Variants in ASGR2 observed in about 807,000 individuals in gnomAD.
The protein encoded by ASGR2 is C-type lectin domain family 4 member H2.
ASGR2 carries 34 observed loss-of-function variants against 32.3 expected under a neutral mutation model. The observed-to-expected ratio is 1.05, with a 90% CI of 0.80 to 1.40. The LOEUF (loss-of-function observed/expected upper bound fraction) is 1.40. Among genes scored for constraint, ASGR2 ranks in the 40% most tolerant of loss-of-function variants. The pLI is 0.00. For synonymous variants in ASGR2, 143 were observed against 150.0 expected (o/e 0.95, Z 0.34); for missense variants, 385 against 386.4 (o/e 1.00, Z 0.03).
At position 7,113,293 on chromosome 17, in the gene ASGR2, C is replaced by T. The variant is rs1474587561; in HGVS notation, c.124+824G>A. Among the ~76,000 whole-genome samples the T allele has an allele frequency of 3.3e-5, 4 of 122,846 alleles. No homozygotes were observed. Among genetic ancestry groups the T allele is most frequent in the Non-Finnish European group, 7.0e-5 (4 of 57,140 alleles). 80.6% of individuals were successfully genotyped at this position (122,846 alleles called of 152,430 possible). A position where few individuals can be genotyped will look rare whatever the true frequency, so the allele number is the denominator to read the frequency against. On this transcript the variant is annotated intron_variant, in intron 2 of 8. Coordinates refer to ENST00000691900, the MANE Select transcript of ASGR2 (RefSeq NM_001201352.2). The surrounding 1 kb of genome is among the most constrained non-coding windows in gnomAD (Gnocchi z 5.1). ...CCAACTCACCCCACCTCTACACACA[C>T]ACACACACACACATACAATCACATA...
chr17:7,113,750 A>C lies in ASGR2; in HGVS notation c.124+367T>G, dbSNP rs796218635. Among the ~76,000 whole-genome samples, 32 of 151,132 alleles carry C rather than the reference A, an allele frequency of 2.1e-4. No individual in the cohort carries two copies. Among genetic ancestry groups the C allele is most frequent in the African/African-American group, 7.8e-4 (32 of 41,188 alleles). ...CCTCTCACATACACGACATACACAC[A>C]CACAACATATGCACGCTCTCGCGCA... On this transcript the variant is annotated intron_variant, in intron 2 of 8. Coordinates refer to ENST00000691900, the MANE Select transcript of ASGR2 (RefSeq NM_001201352.2). The surrounding 1 kb of genome is among the most constrained non-coding windows in gnomAD (Gnocchi z 5.1).
At position 7,107,995 on chromosome 17, in the gene ASGR2, G is replaced by A; in HGVS notation, c.338-88C>T. The A allele has an allele frequency of 6.8e-7, 1 of 1,466,244 alleles. No individual in the cohort carries two copies. The highest frequency in any genetic ancestry group is 9.3e-7 in the Non-Finnish European group (1 of 1,075,064). 90.8% of individuals were successfully genotyped at this position (1,466,244 alleles called of 1,614,324 possible). On this transcript the variant is annotated intron_variant, in intron 4 of 8. Transcript: ENST00000691900. The surrounding 1 kb of genome is among the most constrained non-coding windows in gnomAD (Gnocchi z 5.0). ...ACCGGGGGCCAGCGCCTCGTCCTGGGCGATGCAGGCGTCCACCTCCTGGCT... is the reference window on the plus strand; with the variant it reads ...ACCGGGGGCCAGCGCCTCGTCCTGGACGATGCAGGCGTCCACCTCCTGGCT...
rs1597399175 is a variant in ASGR2 at position 7,114,006 on chromosome 17, G to A, written c.124+111C>T. The A allele has an allele frequency of 4.7e-6, 7 of 1,490,940 alleles. No individual in the cohort carries two copies. The highest frequency in any genetic ancestry group is 1.9e-4 in the Middle Eastern group (1 of 5,394). 92.4% of individuals were successfully genotyped at this position (1,490,940 alleles called of 1,614,324 possible). A position where few individuals can be genotyped will look rare whatever the true frequency, so the allele number is the denominator to read the frequency against. On this transcript the variant is annotated intron_variant, in intron 2 of 8. Coordinates refer to ENST00000691900, the MANE Select transcript of ASGR2 (RefSeq NM_001201352.2). This position sits in a 1 kb window ranked among gnomAD's most constrained non-coding sequence, Gnocchi z 4.5. ...GGTGAGGGAACAAGCGGGGGTGTCG[G>A]GCCCTCCTCAGTCCCTGTTCACAGA...
intron 7 of ASGR2, among the ~76,000 whole-genome samples, chr17:7,102,401 G>A (rs187325386): frequency 3.9e-4 from 59 of 152,236 alleles, no homozygotes; most frequent in African/African-American, 1.3e-3. Context: ...GCTAGACTTC[G>A]TGCTGTCTGT....
intron 2 of ASGR2, among the ~76,000 whole-genome samples, chr17:7,109,866 C>T (rs1597389685): frequency 6.6e-6 from 1 of 152,150 alleles, no homozygotes; most frequent in African/African-American, 2.4e-5. Flanking sequence ...CACTCACACA[C>T]CCACGTCTTC....
At chr17:7,104,377 C>T (rs1230690670) in intron 7 of ASGR2, among the ~76,000 whole-genome samples, 1 of 118,678 alleles carries the variant, frequency 8.4e-6, no homozygotes, top group Non-Finnish European at 1.7e-5. Context: ...AAAAGCCAGG[C>T]GTAGTGGCTC....
chr17:7,111,600 G>A (rs1414266663), intron 2 of ASGR2, among the ~76,000 whole-genome samples: 2 of 150,732 alleles, frequency 1.3e-5, no homozygotes, highest in Non-Finnish European at 2.9e-5. Flanking sequence ...AGCTTGCAGT[G>A]AGCCAAGATC....
Position 7,107,800 on chromosome 17 carries a change from C to T in ASGR2, c.409+36G>A, listed in dbSNP as rs1914038664. 1 of 1,555,470 alleles carries T rather than the reference C, an allele frequency of 6.4e-7. No individual in the cohort carries two copies. The highest frequency in any genetic ancestry group is 1.9e-5 in the Admixed American group (1 of 52,892). ...TACACACACCGCACACGTACACATG[C>T]ACGCACATGCGCACACACCCCGGAG... On this transcript the variant is annotated intron_variant, in intron 5 of 8. Coordinates refer to ENST00000691900, the MANE Select transcript of ASGR2 (RefSeq NM_001201352.2). This position sits in a 1 kb window ranked among gnomAD's most constrained non-coding sequence, Gnocchi z 5.0.
In ASGR2 at chr17:7,107,769, A is replaced by G. The variant is rs62058754; in HGVS notation, c.409+67T>C. The G allele has an allele frequency of 3.3e-4, 161 of 491,778 alleles. No homozygotes were observed. The highest frequency in any genetic ancestry group is 4.5e-4 in the Middle Eastern group (1 of 2,234). The allele number at this position is 491,778 out of a possible 1,614,324, so 30.5% of individuals were successfully genotyped here. ...TGCACACTACACACACCGCACACGT[A>G]CACACTACACACACCGCACACGTAC... On this transcript the variant is annotated intron_variant, in intron 5 of 8. Coordinates refer to ENST00000691900, the MANE Select transcript of ASGR2 (RefSeq NM_001201352.2). This position sits in a 1 kb window ranked among gnomAD's most constrained non-coding sequence, Gnocchi z 5.0.
Position 7,107,279 on chromosome 17 carries a change from C to T in ASGR2, c.448G>A (p.Val150Met), listed in dbSNP as rs141855221. Residue 150 changes from valine (V) to methionine (M), a missense_variant, in exon 6 of 9, where the codon GTG becomes ATG. Val to Met is a conservative substitution (Grantham distance 21, BLOSUM62 1). Coordinates refer to ENST00000691900, the MANE Select transcript of ASGR2 (RefSeq NM_001201352.2). The surrounding 1 kb of genome is among the most constrained non-coding windows in gnomAD (Gnocchi z 5.0). ...ALLFHLKHFP[V>M]DLRFVACQME... ...TGGCAGGCCACGAAGCGCAGGTCCA[C>T]GGGGAAGTGCTTCAGATGGAAGAGC... The T allele has an allele frequency of 1.4e-4, 222 of 1,613,870 alleles. No individual in the cohort carries two copies. The highest frequency in any genetic ancestry group is 1.7e-4 in the Non-Finnish European group (204 of 1,180,030).
chr17:7,115,026 C>G (rs1051464010), upstream of ASGR2: 2 of 984,658 alleles, frequency 2.0e-6, no homozygotes, highest in African/African-American at 3.5e-5. The surrounding 1 kb of genome is among the most constrained non-coding windows in gnomAD (Gnocchi z 4.2). Flanking sequence ...CTCTCCCTCC[C>G]CCTCTCACTT....
intron 2 of ASGR2, among the ~76,000 whole-genome samples, chr17:7,109,550 C>G (rs1914358431): frequency 6.6e-6 from 1 of 151,736 alleles, no homozygotes; most frequent in African/African-American, 2.4e-5. Context: ...CGCCCTTTGC[C>G]CTCGCTTCCC....
In ASGR2 at chr17:7,102,667, C is replaced by CCCCCAGA. The variant is rs541951224; in HGVS notation, c.649-478_649-472dup. On this transcript the variant is annotated intron_variant, in intron 7 of 8. Coordinates refer to ENST00000691900, the MANE Select transcript of ASGR2 (RefSeq NM_001201352.2). Reference sequence around the variant, plus strand: ...CGACCCTGGTCCCTGCTCTTACTGCCCCCCAGACCCCAGACCCACTGAAGA... The same window carrying CCCCCAGA: ...CGACCCTGGTCCCTGCTCTTACTGCCCCCCAGACCCCAGACCCCAGACCCACTGAAGA... Among the ~76,000 whole-genome samples, 3 of 152,310 alleles carry CCCCCAGA rather than the reference C, an allele frequency of 2.0e-5. No individual in the cohort carries two copies. The South Asian group carries it at 6.2e-4, about 32-fold the overall frequency.
chr17:7,111,587 C>T (rs1319444973), intron 2 of ASGR2, among the ~76,000 whole-genome samples: 1 of 149,694 alleles, frequency 6.7e-6, no homozygotes, highest in East Asian at 2.0e-4. Context: ...ACCCGGGAGG[C>T]AGAGCTTGCA....
chr17:7,114,019 C>A lies in ASGR2; in HGVS notation c.124+98G>T. On this transcript the variant is annotated intron_variant, in intron 2 of 8. Transcript: ENST00000691900. The surrounding 1 kb of genome is among the most constrained non-coding windows in gnomAD (Gnocchi z 4.5). ...GCGGGGGTGTCGGGCCCTCCTCAGTCCCTGTTCACAGAGTGGGTGCGGCAG... is the reference window on the plus strand; with the variant it reads ...GCGGGGGTGTCGGGCCCTCCTCAGTACCTGTTCACAGAGTGGGTGCGGCAG... 1 of 1,547,628 alleles carries A rather than the reference C, an allele frequency of 6.5e-7. No individual in the cohort carries two copies. The highest frequency in any genetic ancestry group is 1.2e-5 in the South Asian group (1 of 82,616).
intron 2 of ASGR2, among the ~76,000 whole-genome samples, chr17:7,112,312 C>T (rs1404618005): frequency 6.6e-6 from 1 of 151,772 alleles, no homozygotes; most frequent in African/African-American, 2.4e-5. Context: ...TCAGTGTCAG[C>T]TCCCATGATG....
rs1240490847 is a variant in ASGR2, at chr17:7,108,246, G to A, written c.337+216C>T. ...TTTGCTCACAGGCCCAAGACATGGT[G>A]CCTTCCTCACCTCCGGGTGTCGCAG... On this transcript the variant is annotated intron_variant, in intron 4 of 8. Coordinates refer to ENST00000691900, the MANE Select transcript of ASGR2 (RefSeq NM_001201352.2). This position sits in a 1 kb window ranked among gnomAD's most constrained non-coding sequence, Gnocchi z 4.9. 6.6e-6 allele frequency among the ~76,000 whole-genome samples: 1 copy of A among 152,028 alleles called. No homozygotes were observed. The highest frequency in any genetic ancestry group is 1.5e-5 in the Non-Finnish European group (1 of 67,994).
intron 7 of ASGR2, among the ~76,000 whole-genome samples, chr17:7,104,370 A>T (rs1023593585): frequency 7.4e-6 from 1 of 136,008 alleles, no homozygotes; most frequent in Non-Finnish European, 1.6e-5. Flanking sequence ...AAAAAAAAAA[A>T]GCCAGGCGTA....
chr17:7,111,458 C>T (rs529965415), intron 2 of ASGR2, among the ~76,000 whole-genome samples: 2 of 151,920 alleles, frequency 1.3e-5, no homozygotes, highest in East Asian at 2.0e-4. Flanking sequence ...AGATCGACAC[C>T]ATCCTGGCTA....
Sources: allele counts gnomAD v4.1 joint callset (sites outside exome capture counted in the v4.1 genomes callset), GRCh38; gene constraint gnomAD v4.1.1; non-coding constraint Gnocchi (gnomAD v3.1); transcripts MANE v1.5; gene names NCBI Gene and HGNC (gene_info 2026-07-23, HGNC 2026-07-21).